HADH: variants seen among roughly 807,000 people sequenced by gnomAD.
HADH encodes the protein hydroxyacyl-CoA dehydrogenase.
HADH carries 24 observed loss-of-function variants against 32.2 expected under a neutral mutation model. That is an observed-to-expected ratio of 0.75 (90% CI 0.54 to 1.05). HADH has a LOEUF of 1.05. Among genes scored for constraint, HADH ranks in the 50% least tolerant of loss-of-function variants. HADH has a pLI of 0.00. For synonymous variants in HADH, 139 were observed against 152.5 expected (o/e 0.91, Z 0.65); for missense variants, 350 against 397.1 (o/e 0.88, Z 1.01).
chr4:108,011,476 C>T (rs1022951794), intron 2 of HADH, among the ~76,000 whole-genome samples: 7 of 152,138 alleles, frequency 4.6e-5, no homozygotes, highest in African/African-American at 1.7e-4. Flanking sequence ...CCTCCCACAA[C>T]ACGTGGGGAT....
At chr4:108,027,543 G>T (rs1736107513) in intron 5 of HADH, 145 bp from the exon 6 acceptor site, 2 of 714,286 alleles carry the variant, frequency 2.8e-6, no homozygotes, top group Non-Finnish European at 5.1e-6. Flanking sequence ...TAGAAATAAG[G>T]CCATGCTGCA....
intron 1 of HADH, among the ~76,000 whole-genome samples, chr4:108,003,827 CA>C (rs1393941780): frequency 3.0e-5 from 4 of 133,802 alleles, no homozygotes; most frequent in African/African-American, 8.4e-5. Flanking sequence ...AAAAAAAAAA[CA>C]AAAAAAAAAC....
intron 5 of HADH, chr4:108,024,573 A>T (rs1246681657): frequency 6.6e-6 from 1 of 152,144 alleles, no homozygotes; most frequent in African/African-American, 2.4e-5. Context: ...CCATGGGTAA[A>T]GTGTTGTTAG....
chr4:108,033,170 C>G lies in HADH; in HGVS notation c.710-6C>G. On this transcript the variant is annotated splice_region_variant and splice_polypyrimidine_tract_variant and intron_variant, in intron 6 of 7. Transcript: ENST00000309522. ...TGGTGACCCAGTGCTGCCGTTTTCT[C>G]CTTAGGTGACGCATCCAAAGAAGAC... is the stretch of plus-strand genomic sequence containing the variant. The G allele has an allele frequency of 6.7e-7, 1 of 1,483,538 alleles. No homozygotes were observed. Among genetic ancestry groups the G allele is most frequent in the Non-Finnish European group, 9.4e-7 (1 of 1,061,124 alleles). 91.9% of individuals were successfully genotyped at this position (1,483,538 alleles called of 1,614,324 possible).
intron 6 of HADH, chr4:108,029,033 A>G (rs1278603922): frequency 1.8e-5 from 7 of 397,070 alleles, no homozygotes; most frequent in Non-Finnish European, 3.1e-5. Context: ...ACAGCCTATC[A>G]TTGCTGGTCC....
At chr4:108,010,734 C>T (rs1735459042) in intron 2 of HADH, among the ~76,000 whole-genome samples, 1 of 152,034 alleles carries the variant, frequency 6.6e-6, no homozygotes, top group Admixed American at 6.6e-5. Flanking sequence ...TACACTCGCA[C>T]ATTCATACTT....
chr4:108,010,469 C>T (rs1486381349), intron 2 of HADH, among the ~76,000 whole-genome samples: 1 of 152,142 alleles, frequency 6.6e-6, no homozygotes, highest in East Asian at 1.9e-4. Context: ...ATTAGAAATA[C>T]AGCACAAATC....
Position 107,997,437 on chromosome 4 carries a change from T to C in HADH, c.132+7373T>C, listed in dbSNP as rs143194360. Among the ~76,000 whole-genome samples the C allele has an allele frequency of 5.0e-3, 760 of 152,250 alleles. 7 individuals carry two copies. Among genetic ancestry groups the C allele is most frequent in the African/African-American group, 0.018 (732 of 41,546 alleles). ...TCGGAGAAAGCTGCTTCAAATCTTC[T>C]TGATACATTTACAAAGATAAATAAA... On this transcript the variant is annotated intron_variant, in intron 1 of 7. Coordinates refer to ENST00000309522, the MANE Select transcript of HADH (RefSeq NM_005327.7).
At chr4:108,013,741 A>G (rs183598396) in intron 2 of HADH, among the ~76,000 whole-genome samples, 5 of 152,294 alleles carry the variant, frequency 3.3e-5, no homozygotes, top group East Asian at 3.9e-4. Flanking sequence ...AAACATCTCA[A>G]TATTTTTAAA....
At chr4:108,016,010 CAGAG>C (rs1735681727) in intron 3 of HADH, among the ~76,000 whole-genome samples, 1 of 152,120 alleles carries the variant, frequency 6.6e-6, no homozygotes, top group Non-Finnish European at 1.5e-5. Flanking sequence ...TGCCTATAGA[CAGAG>C]AGGACTTTCC....
intron 6 of HADH, chr4:108,032,718 T>C: frequency 3.0e-6 from 1 of 338,798 alleles, no homozygotes; most frequent in Non-Finnish European, 5.5e-6. Flanking sequence ...CACTGTGGCT[T>C]ACACCTGTAA....
chr4:108,030,344 C>T (rs1736218587), intron 6 of HADH: 1 of 152,756 alleles, frequency 6.5e-6, no homozygotes, highest in Non-Finnish European at 1.5e-5. Flanking sequence ...TCACTGTCTT[C>T]CCTGTGGCAT....
rs373609992 is a variant in HADH at position 108,021,792 on chromosome 4, G to T, written c.547-1682G>T. 5.9e-5 allele frequency among the ~76,000 whole-genome samples: 9 copies of T among 152,168 alleles called. No individual in the cohort carries two copies. In the East Asian group the frequency reaches 1.5e-3, roughly 26 times the overall value. Reference sequence around the variant, plus strand: ...TTCAAACAGCTCTGGGATTCTGTTTGATTTGTGGTACCCGCAGGGTGGCTT... The same window carrying T: ...TTCAAACAGCTCTGGGATTCTGTTTTATTTGTGGTACCCGCAGGGTGGCTT... On this transcript the variant is annotated intron_variant, in intron 4 of 7. Transcript: ENST00000309522.
chr4:108,024,475 T>C (rs3796992), intron 5 of HADH: 131,893 of 152,176 alleles, frequency 0.87, 58,038 homozygotes, highest in East Asian at 0.97. Context: ...AAAAATCATG[T>C]TGTTCATGAA....
chr4:108,018,318 G>C (rs1560733123), intron 3 of HADH, among the ~76,000 whole-genome samples: 1 of 152,096 alleles, frequency 6.6e-6, no homozygotes, highest in Non-Finnish European at 1.5e-5. Flanking sequence ...TATTGGAAGA[G>C]GATCTTTTTT....
intron 3 of HADH, among the ~76,000 whole-genome samples, chr4:108,016,332 T>C (rs1355109127): frequency 6.6e-6 from 1 of 152,190 alleles, no homozygotes; most frequent in Non-Finnish European, 1.5e-5. Context: ...TGTCGGAATG[T>C]TAACCTTCAG....
At chr4:108,031,727 AAGTTTTTGGCTT>A (rs1219746075) in intron 6 of HADH, 1 of 152,006 alleles carries the variant, frequency 6.6e-6, no homozygotes, top group African/African-American at 2.4e-5. Flanking sequence ...TATTATGTTG[AAGTTTTTGGCTT>A]ACACATCTGA....
chr4:108,024,904 T>C (rs1194121143), intron 5 of HADH: 1 of 152,248 alleles, frequency 6.6e-6, no homozygotes, highest in East Asian at 1.9e-4. Flanking sequence ...CATTAAATTA[T>C]CTTGTTAGGT....
intron 2 of HADH, among the ~76,000 whole-genome samples, chr4:108,012,887 A>G (rs997338923): frequency 7.9e-5 from 12 of 152,194 alleles, no homozygotes; most frequent in African/African-American, 2.9e-4. Context: ...TTGAAGAGGA[A>G]CTTCTACTTT....
Sources: gnomAD v4.1 joint callset for allele counts (sites outside exome capture counted in the v4.1 genomes callset) on GRCh38, gnomAD v4.1.1 for gene constraint, MANE v1.5 for transcripts, NCBI Gene and HGNC (gene_info 2026-07-23, HGNC 2026-07-21) for gene names.